The following HIVEP2 variants were observed in gnomAD, a reference collection of about 807,000 sequenced individuals.
The protein encoded by HIVEP2 is transcription factor HIVEP2.
A neutral mutation model predicts 180.7 loss-of-function variants in HIVEP2; 14 were observed. The observed-to-expected ratio is 0.08, with a 90% CI of 0.05 to 0.12. HIVEP2 has a LOEUF of 0.12. HIVEP2 is among the 10% of genes least tolerant of loss of function. The pLI is 1.00. For missense variants in HIVEP2, 2,579 were observed against 3,008.5 expected (o/e 0.86, Z 3.34); for synonymous variants, 1,184 against 1,136.4 (o/e 1.04, Z -0.84).
At chr6:142,786,589 C>T (rs531555597) in intron 2 of HIVEP2, among the ~76,000 whole-genome samples, 2 of 152,254 alleles carry the variant, frequency 1.3e-5, no homozygotes, top group South Asian at 2.1e-4. Flanking sequence ...TCTCAGCCTT[C>T]CCATTCTTAG....
chr6:142,935,957 A>C (rs1481310253), intron 1 of HIVEP2, among the ~76,000 whole-genome samples: 1 of 151,890 alleles, frequency 6.6e-6, no homozygotes, highest in Admixed American at 6.6e-5. Context: ...AGGATGTGTC[A>C]CAAAAATTAG....
intron 1 of HIVEP2, among the ~76,000 whole-genome samples, chr6:142,860,133 G>A (rs1438570518): frequency 6.6e-6 from 1 of 151,852 alleles, no homozygotes; most frequent in Non-Finnish European, 1.5e-5. Context: ...CTGTAAAAAA[G>A]ATAAGAAAAA....
intron 3 of HIVEP2, among the ~76,000 whole-genome samples, chr6:142,781,717 G>A (rs2114689128): frequency 6.6e-6 from 1 of 152,166 alleles, no homozygotes; most frequent in Admixed American, 6.5e-5. Flanking sequence ...CCTCTCCTTT[G>A]GCCACTCTTC....
chr6:142,945,224 C>T (rs530468977), upstream of HIVEP2: 2 of 152,120 alleles, frequency 1.3e-5, no homozygotes, highest in South Asian at 4.1e-4. The surrounding 1 kb of genome is among the most constrained non-coding windows in gnomAD (Gnocchi z 5.5). Flanking sequence ...CCCCCTCCCC[C>T]CAGGACATTA....
chr6:142,814,530 TAAG>T (rs1562246819), intron 2 of HIVEP2, among the ~76,000 whole-genome samples: 1 of 152,070 alleles, frequency 6.6e-6, no homozygotes, highest in African/African-American at 2.4e-5. Flanking sequence ...CAGAGATATT[TAAG>T]AAGAAGAATT....
chr6:142,834,927 C>T (rs1450093802), intron 2 of HIVEP2, among the ~76,000 whole-genome samples: 1 of 152,032 alleles, frequency 6.6e-6, no homozygotes, highest in Non-Finnish European at 1.5e-5. Context: ...CCATATGCAT[C>T]ACGAAAATGC....
chr6:142,820,297 T>TTC (rs3057563), intron 2 of HIVEP2, among the ~76,000 whole-genome samples: 1,677 of 148,110 alleles, frequency 0.011, 18 homozygotes, highest in Non-Finnish European at 0.014. Flanking sequence ...TCGCTCTCTC[T>TTC]TCTCTCTCTC....
chr6:142,922,451 T>C (rs1777705814), intron 1 of HIVEP2, among the ~76,000 whole-genome samples: 1 of 152,154 alleles, frequency 6.6e-6, no homozygotes, highest in Non-Finnish European at 1.5e-5. Flanking sequence ...ACCACATAAG[T>C]ATACTTCTAA....
rs1162274002 is a variant in HIVEP2 at position 142,753,676 on chromosome 6, C to T, written c.6772G>A (p.Glu2258Lys). ...HPSPTLPLPM[E>K]GFEEKKGASG... ...GCGCCTTTCTTCTCCTCAAAGCCCTCCATTGGCAGGGGCAATGTGGGTGAA... is the reference window on the plus strand; with the variant it reads ...GCGCCTTTCTTCTCCTCAAAGCCCTTCATTGGCAGGGGCAATGTGGGTGAA... The change falls in exon 10 of 10, where the codon GAG becomes AAG. Residue 2258 changes from glutamate to lysine, a missense_variant. Glu to Lys is a moderately conservative substitution (Grantham distance 56). Around this residue, in one of 11 missense-constraint regions of HIVEP2, gnomAD observed 660 missense variants for 731.7 expected, o/e 0.90. Transcript: ENST00000367603. The T allele has an allele frequency of 6.2e-7, 1 of 1,614,162 alleles. No homozygotes were observed. The highest frequency in any genetic ancestry group is 1.1e-5 in the South Asian group (1 of 91,078).
chr6:142,841,457 T>A lies in HIVEP2; in HGVS notation c.-640-4410A>T, dbSNP rs1775360539. Among the ~76,000 whole-genome samples, 3 of 152,058 alleles carry A rather than the reference T, an allele frequency of 2.0e-5. No individual in the cohort carries two copies. The South Asian group carries it at 6.2e-4, about 31-fold the overall frequency. ...CACATGAACTTTGTGTGTGTGTGTG[T>A]TAGTTTTAATTACTGTTGTTTCGTA... On this transcript the variant is annotated intron_variant, in intron 1 of 9. Transcript: ENST00000367603.
rs775556573 is a variant in HIVEP2 at position 142,761,577 on chromosome 6, A to G, written c.5519-12T>C. On this transcript the variant is annotated splice_polypyrimidine_tract_variant and intron_variant, in intron 7 of 9. Transcript: ENST00000367603. Reference sequence around the variant, plus strand: ...CTTCGTTAGGTTTCCTTGAAAATGTAGCAAAAAAAAGAGAGAAATTAATTG... The same window carrying G: ...CTTCGTTAGGTTTCCTTGAAAATGTGGCAAAAAAAAGAGAGAAATTAATTG... 5.6e-6 allele frequency: 8 copies of G among 1,416,006 alleles called. No homozygotes were observed. In the Admixed American group the frequency reaches 1.3e-4, roughly 24 times the overall value. The allele number at this position is 1,416,006 out of a possible 1,614,324, so 87.7% of individuals were successfully genotyped here.
chr6:142,911,176 AAAC>A (rs1562289060), intron 1 of HIVEP2, among the ~76,000 whole-genome samples: 1 of 151,856 alleles, frequency 6.6e-6, no homozygotes, highest in South Asian at 2.1e-4. Flanking sequence ...AAATAAGCAC[AAAC>A]AACATTTCAG....
At chr6:142,914,876 C>G (rs9390036) in intron 1 of HIVEP2, among the ~76,000 whole-genome samples, 4 of 152,236 alleles carry the variant, frequency 2.6e-5, no homozygotes, top group Non-Finnish European at 5.9e-5. Context: ...TTTTCTTCTC[C>G]GGTAATGCCC....
chr6:142,912,563 T>C (rs1292569882), intron 1 of HIVEP2, among the ~76,000 whole-genome samples: 3 of 152,220 alleles, frequency 2.0e-5, no homozygotes, highest in Non-Finnish European at 4.4e-5. Flanking sequence ...TCCATGGCCT[T>C]TTAGGAACCG....
rs1450489758 is a variant in HIVEP2 at position 142,824,281 on chromosome 6, C to G, written c.-528+12654G>C. 2.6e-5 allele frequency among the ~76,000 whole-genome samples: 4 copies of G among 152,090 alleles called. No homozygotes were observed. The East Asian group carries it at 7.7e-4, about 29-fold the overall frequency. On this transcript the variant is annotated intron_variant, in intron 2 of 9. Coordinates refer to ENST00000367603, the MANE Select transcript of HIVEP2 (RefSeq NM_006734.4). ...AAGTAAGCAGACTTGTCAAGCATGA[C>G]CCATATAAAATTCACTAACAGGACA...
intron 2 of HIVEP2, among the ~76,000 whole-genome samples, chr6:142,818,180 C>T (rs1007607687): frequency 1.3e-4 from 20 of 152,074 alleles, no homozygotes; most frequent in African/African-American, 4.1e-4. Context: ...TGCTAGAATG[C>T]CACACAGCCA....
intron 2 of HIVEP2, among the ~76,000 whole-genome samples, chr6:142,828,135 A>G (rs1394223465): frequency 6.6e-6 from 1 of 152,176 alleles, no homozygotes; most frequent in Non-Finnish European, 1.5e-5. Context: ...CCTTAAATAT[A>G]AAGCTCTAAG....
intron 1 of HIVEP2, among the ~76,000 whole-genome samples, chr6:142,887,744 G>A (rs959061578): frequency 6.6e-6 from 1 of 152,082 alleles, no homozygotes; most frequent in African/African-American, 2.4e-5. Context: ...TTAAATCTGT[G>A]AGATCATTTC....
chr6:142,870,420 G>A (rs573204023), intron 1 of HIVEP2, among the ~76,000 whole-genome samples: 1 of 152,204 alleles, frequency 6.6e-6, no homozygotes, highest in African/African-American at 2.4e-5. Flanking sequence ...GCCCCATAAA[G>A]CGCATGAATT....
Sources: allele counts gnomAD v4.1 joint callset (sites outside exome capture counted in the v4.1 genomes callset), GRCh38; gene constraint gnomAD v4.1.1; regional missense constraint gnomAD v4.1.1; non-coding constraint Gnocchi (gnomAD v3.1); transcripts MANE v1.5; gene names NCBI Gene and HGNC (gene_info 2026-07-23, HGNC 2026-07-21).